MBNL1: variants seen among roughly 807,000 people sequenced by gnomAD.
MBNL1 encodes muscleblind-like protein 1.
MBNL1 carries 8 observed loss-of-function variants against 42.2 expected under a neutral mutation model. The ratio of observed to expected loss-of-function variants is 0.19; its 90% CI spans 0.11 to 0.34. The LOEUF (loss-of-function observed/expected upper bound fraction) is 0.34. Among genes scored for constraint, MBNL1 ranks in the 10% least tolerant of loss-of-function variants. The pLI, the probability that MBNL1 is intolerant of heterozygous loss-of-function variation, is 1.00. For synonymous variants in MBNL1, 169 were observed against 173.9 expected (o/e 0.97, Z 0.22); for missense variants, 309 against 495.3 (o/e 0.62, Z 3.57).
rs148452152 is a variant in MBNL1, at chr3:152,244,763, T to G, written n.333+323T>G. Among the ~76,000 whole-genome samples the G allele has an allele frequency of 3.6e-3, 545 of 152,306 alleles. 15 individuals are homozygous for G. The highest frequency in any genetic ancestry group is 0.033 in the Admixed American group (504 of 15,294). On this transcript the variant is annotated intron_variant and non_coding_transcript_variant, in intron 2 of 2. Coordinates refer to the MBNL1 transcript ENST00000477171. ...AGAGGCATTTGGATTATTAACAAAT[T>G]TGATAACTTTTCTTCTTTCCCAGCT...
chr3:152,456,124 A>C, intron 7 of MBNL1, 143 bp from the exon 8 acceptor site: 1 of 647,660 alleles, frequency 1.5e-6, no homozygotes. Flanking sequence ...CTGTGATTGC[A>C]TGTCACTCGC....
chr3:152,275,468 T>C (rs1322607168), intron 1 of MBNL1, among the ~76,000 whole-genome samples: 1 of 152,088 alleles, frequency 6.6e-6, no homozygotes, highest in Non-Finnish European at 1.5e-5. Flanking sequence ...CCCAGCACTT[T>C]GGGAGGCCGA....
At chr3:152,460,538 G>A (rs59541253) in intron 9 of MBNL1, among the ~76,000 whole-genome samples, 1,998 of 149,574 alleles carry the variant, frequency 0.013, 44 homozygotes, top group African/African-American at 0.047. Flanking sequence ...TGGGTGCAGC[G>A]CACCAGCATG....
At chr3:152,267,754 T>C (rs1396879520), upstream of MBNL1, 2 of 152,228 alleles carry the variant, frequency 1.3e-5, no homozygotes, top group Admixed American at 6.5e-5. Context: ...TAAAGTCGGC[T>C]ATTAGTGCCT....
At chr3:152,392,114 A>G (rs2097748354) in intron 2 of MBNL1, among the ~76,000 whole-genome samples, 2 of 152,124 alleles carry the variant, frequency 1.3e-5, no homozygotes, top group African/African-American at 4.8e-5. Flanking sequence ...ATAGAGAAGC[A>G]GTTGACATTT....
intron 4 of MBNL1, among the ~76,000 whole-genome samples, chr3:152,436,906 G>A (rs2099085718): frequency 1.3e-5 from 2 of 152,160 alleles, no homozygotes; most frequent in African/African-American, 2.4e-5. Context: ...GCAGCTTCCT[G>A]TCTTATTCTT....
intron 2 of MBNL1, among the ~76,000 whole-genome samples, chr3:152,402,357 G>A (rs887110040): frequency 2.0e-5 from 3 of 152,150 alleles, no homozygotes; most frequent in Admixed American, 2.0e-4. Flanking sequence ...TTTCATAGAA[G>A]AGGAGGTTAC....
At chr3:152,308,023 G>A (rs1196762625) in intron 2 of MBNL1, among the ~76,000 whole-genome samples, 2 of 152,138 alleles carry the variant, frequency 1.3e-5, no homozygotes, top group East Asian at 3.8e-4. Flanking sequence ...ACTAGTCACT[G>A]TATAAACTAT....
At chr3:152,359,890 C>T (rs145505922) in intron 2 of MBNL1, among the ~76,000 whole-genome samples, 68 of 152,276 alleles carry the variant, frequency 4.5e-4, no homozygotes, top group Admixed American at 2.6e-4. Flanking sequence ...GCAGTTAGAC[C>T]AGTCTCACTA....
rs556774745 is a variant in MBNL1 at position 152,289,170 on chromosome 3, G to A, written c.-789-10235G>A. On this transcript the variant is annotated intron_variant, in intron 1 of 9. Coordinates refer to ENST00000324210, the MANE Select transcript of MBNL1 (RefSeq NM_021038.5). ...TTTATATTATTAAAATCACTCATAAGCATAGCTTTTTATATGCAATTTCAG... is the reference window on the plus strand; with the variant it reads ...TTTATATTATTAAAATCACTCATAAACATAGCTTTTTATATGCAATTTCAG... Among the ~76,000 whole-genome samples, 93 of 152,068 alleles carry A rather than the reference G, an allele frequency of 6.1e-4. No individual in the cohort carries two copies. In the South Asian group the frequency reaches 0.019, roughly 31 times the overall value.
intron 1 of MBNL1, among the ~76,000 whole-genome samples, chr3:152,292,612 A>T (rs1379123773): frequency 6.6e-6 from 1 of 152,188 alleles, no homozygotes; most frequent in Non-Finnish European, 1.5e-5. Flanking sequence ...GCCATTCCAG[A>T]GGATGTGTGA....
intron 2 of MBNL1, among the ~76,000 whole-genome samples, chr3:152,353,022 GT>G (rs2095208308): frequency 6.6e-6 from 1 of 152,154 alleles, no homozygotes; most frequent in Non-Finnish European, 1.5e-5. Flanking sequence ...AACACTTGTA[GT>G]AAACTCTCTT....
Position 152,325,087 on chromosome 3 carries a change from G to GCC in MBNL1, c.174+24728_174+24729dup, listed in dbSNP as rs532842950. 4.6e-4 allele frequency among the ~76,000 whole-genome samples: 7 copies of GCC among 15,372 alleles called. 1 individual carries two copies. The highest frequency in any genetic ancestry group is 1.2e-3 in the African/African-American group (5 of 4,224). The allele number at this position is 15,372 out of a possible 152,430, so 10.1% of individuals were successfully genotyped here. ...TGTTCCCATGTAATGCCACATACCC[G>GCC]CCCCCCCCCGCCCGCTTTTTTTTCA... is the stretch of plus-strand genomic sequence containing the variant. On this transcript the variant is annotated intron_variant, in intron 2 of 9. Coordinates refer to ENST00000324210, the MANE Select transcript of MBNL1 (RefSeq NM_021038.5).
At chr3:152,375,119 C>T (rs557595573) in intron 2 of MBNL1, among the ~76,000 whole-genome samples, 34 of 152,272 alleles carry the variant, frequency 2.2e-4, no homozygotes, top group African/African-American at 6.5e-4. Context: ...GGATTACAGG[C>T]GTGTGCCACC....
At chr3:152,445,780 G>A (rs892453241) in intron 5 of MBNL1, among the ~76,000 whole-genome samples, 1 of 152,140 alleles carries the variant, frequency 6.6e-6, no homozygotes, top group African/African-American at 2.4e-5. Context: ...TGTGGATGTA[G>A]GGTTTCTGAA....
At chr3:152,406,975 A>G (rs916350466) in intron 2 of MBNL1, among the ~76,000 whole-genome samples, 4 of 151,786 alleles carry the variant, frequency 2.6e-5, no homozygotes, top group Middle Eastern at 3.4e-3. Context: ...TTTGAACTCA[A>G]TAGGCTGTGT....
intron 2 of MBNL1, chr3:152,335,029 C>T: frequency 8.4e-7 from 1 of 1,194,832 alleles, no homozygotes; most frequent in Non-Finnish European, 1.1e-6. Flanking sequence ...TCTGCTCCAG[C>T]TTCTGCTGCT....
At chr3:152,356,373 G>A (rs1040799788) in intron 2 of MBNL1, among the ~76,000 whole-genome samples, 14 of 152,008 alleles carry the variant, frequency 9.2e-5, no homozygotes, top group Middle Eastern at 3.2e-3. Flanking sequence ...AAAATGTATC[G>A]ACCAGAATCT....
chr3:152,297,325 C>T (rs1307414935), intron 1 of MBNL1, among the ~76,000 whole-genome samples: 16 of 92,724 alleles, frequency 1.7e-4, no homozygotes, highest in South Asian at 7.1e-4. Context: ...CAAAATATTT[C>T]TTGAACACTG....
Sources: allele counts gnomAD v4.1 joint callset (sites outside exome capture counted in the v4.1 genomes callset), GRCh38; gene constraint gnomAD v4.1.1; transcripts MANE v1.5; gene names NCBI Gene and HGNC (gene_info 2026-07-23, HGNC 2026-07-21).